Variants in CCDC149 observed in about 807,000 individuals in gnomAD.
CCDC149 encodes the protein coiled-coil domain-containing protein 149.
CCDC149 carries 45 observed loss-of-function variants against 59.9 expected under a neutral mutation model. The ratio of observed to expected loss-of-function variants is 0.75; its 90% confidence interval spans 0.59 to 0.96. The LOEUF is 0.96. CCDC149 is among the 40% of genes least tolerant of loss of function. The pLI, the probability that CCDC149 is intolerant of heterozygous loss-of-function variation, is 0.00. For synonymous variants in CCDC149, 245 were observed against 260.6 expected (o/e 0.94, Z 0.58); for missense variants, 584 against 664.7 (o/e 0.88, Z 1.33).
intron 1 of CCDC149, among the ~76,000 whole-genome samples, chr4:24,953,446 G>T (rs1723371596): frequency 6.6e-6 from 1 of 152,134 alleles, no homozygotes. Context: ...AAAAACAACT[G>T]CCTGTACTAG....
rs529361878 is a variant in CCDC149, at chr4:24,838,791, C to CA, written c.373-520dup. 2.7e-3 allele frequency among the ~76,000 whole-genome samples: 376 copies of CA among 140,790 alleles called. 5 individuals carry two copies. The highest frequency in any genetic ancestry group is 0.016 in the East Asian group (77 of 4,762). 92.4% of individuals were successfully genotyped at this position (140,790 alleles called of 152,430 possible). On this transcript the variant is annotated intron_variant, in intron 4 of 12. Transcript: ENST00000635206. Reference sequence around the variant, plus strand: ...ATTTAAAGAGTTTAAAAAAAAAAAACAAAAAAAAACCAACTAGAAACAATG... The same window carrying CA: ...ATTTAAAGAGTTTAAAAAAAAAAAACAAAAAAAAAACCAACTAGAAACAATG...
chr4:24,820,096 C>T, intron 11 of CCDC149, 121 bp from the exon 12 acceptor site: 1 of 666,012 alleles, frequency 1.5e-6, no homozygotes. Flanking sequence ...TGAAGGGAAG[C>T]CTGCTACGAC....
intron 1 of CCDC149, among the ~76,000 whole-genome samples, chr4:24,936,312 A>T (rs1022582644): frequency 1.3e-5 from 2 of 151,796 alleles, no homozygotes; most frequent in African/African-American, 2.4e-5. Context: ...ATTGCCACAT[A>T]TTTTTATAAT....
At chr4:24,882,001 A>G (rs1004625859) in intron 1 of CCDC149, among the ~76,000 whole-genome samples, 1 of 152,140 alleles carries the variant, frequency 6.6e-6, no homozygotes, top group Non-Finnish European at 1.5e-5. Context: ...ACCCCCAAAA[A>G]TCAGAATATT....
chr4:24,820,347 A>G (rs1279546921), intron 11 of CCDC149: 3 of 191,498 alleles, frequency 1.6e-5, no homozygotes, highest in African/African-American at 7.1e-5. Context: ...GTCAGTGCTC[A>G]AAAGGGTACC....
intron 2 of CCDC149, among the ~76,000 whole-genome samples, chr4:24,874,810 T>G (rs1343974098): frequency 6.6e-6 from 1 of 152,174 alleles, no homozygotes; most frequent in Non-Finnish European, 1.5e-5. Context: ...AGTAATAGTG[T>G]CCCACTTAAA....
rs1716159845 is a variant in CCDC149 at position 24,831,622 on chromosome 4, TC to T, written c.848del (p.Gly283AspfsTer14). The T allele has an allele frequency of 6.2e-7, 1 of 1,613,916 alleles. No homozygotes were observed. Among genetic ancestry groups the T allele is most frequent in the African/African-American group, 1.3e-5 (1 of 74,910 alleles). On this transcript the variant is annotated frameshift_variant, in exon 9 of 13. Coordinates refer to ENST00000635206, the MANE Select transcript of CCDC149 (RefSeq NM_001330643.2). LOFTEE classifies it high-confidence loss of function. Reference sequence around the variant, plus strand: ...ACTGCGGAGTAGCTGGGAGGCTGCATCCATGATCCTCAGATAGCAGATCCTG... The same window carrying T: ...ACTGCGGAGTAGCTGGGAGGCTGCATCATGATCCTCAGATAGCAGATCCTG...
chr4:24,822,466 A>G, intron 10 of CCDC149, 31 bp downstream of exon 10: 1 of 1,390,212 alleles, frequency 7.2e-7, no homozygotes, highest in Non-Finnish European at 9.6e-7. Flanking sequence ...AAAAAAAAAA[A>G]GGAAAATTGT....
Position 24,819,972 on chromosome 4 carries a change from C to T in CCDC149, c.1079G>A (p.Gly360Asp). Residue 360 changes from glycine (G) to aspartate (D), a missense_variant, in exon 12 of 13, where the codon GGC (glycine) becomes GAC (aspartate). Gly to Asp is a moderately conservative substitution (Grantham distance 94). Coordinates refer to ENST00000635206, the MANE Select transcript of CCDC149 (RefSeq NM_001330643.2). The stretch of plus-strand genomic sequence containing the variant: ...GTCGCTGAACAGTATGGTGTCCTTG[C>T]CCCCTGTTGCAGAAAAGAGGAAAAT... 1 of 1,546,380 alleles carries T rather than the reference C, an allele frequency of 6.5e-7. No homozygotes were observed. Among genetic ancestry groups the T allele is most frequent in the Non-Finnish European group, 8.7e-7 (1 of 1,143,892 alleles).
intron 12 of CCDC149, among the ~76,000 whole-genome samples, chr4:24,810,562 A>G (rs1714535884): frequency 6.6e-6 from 1 of 152,206 alleles, no homozygotes; most frequent in Non-Finnish European, 1.5e-5. Context: ...ATATCCAGGA[A>G]TCTTACTGTG....
rs869276822 is a variant in CCDC149, at chr4:24,874,275, G to GTT, written c.226-558_226-557dup. Among the ~76,000 whole-genome samples the GTT allele has an allele frequency of 2.7e-4, 9 of 33,844 alleles. 1 individual carries two copies. Among genetic ancestry groups the GTT allele is most frequent in the African/African-American group, 6.6e-4 (9 of 13,678 alleles). 22.2% of individuals were successfully genotyped at this position (33,844 alleles called of 152,430 possible). On this transcript the variant is annotated intron_variant, in intron 2 of 12. Transcript: ENST00000635206. ...TTTTTTTTTTGTTTTGTTTTTTTTT[G>GTT]TTTTTTTGCCTTAAAAGGATTCTGG... is the stretch of plus-strand genomic sequence containing the variant.
chr4:24,848,284 T>C (rs1243153780), intron 4 of CCDC149, among the ~76,000 whole-genome samples: 1 of 152,084 alleles, frequency 6.6e-6, no homozygotes, highest in African/African-American at 2.4e-5. Context: ...TACTTAATAA[T>C]GCCTCGGCCA....
chr4:24,868,025 G>A (rs146968315), intron 3 of CCDC149, among the ~76,000 whole-genome samples: 4 of 152,284 alleles, frequency 2.6e-5, no homozygotes, highest in East Asian at 1.9e-4. Context: ...AGTGCCTTCC[G>A]CTTATACAAG....
chr4:24,881,815 C>T (rs746634285), intron 1 of CCDC149, among the ~76,000 whole-genome samples: 5 of 152,164 alleles, frequency 3.3e-5, no homozygotes, highest in Non-Finnish European at 5.9e-5. Flanking sequence ...ATCCTCAGGA[C>T]AATGCAATGA....
At chr4:24,833,955 G>T (rs1716333198) in intron 8 of CCDC149, among the ~76,000 whole-genome samples, 1 of 152,182 alleles carries the variant, frequency 6.6e-6, no homozygotes, top group African/African-American at 2.4e-5. Context: ...GTTTGAGTGT[G>T]GCTGGCATTC....
At chr4:24,887,509 C>G (rs1720256228) in intron 1 of CCDC149, among the ~76,000 whole-genome samples, 1 of 152,066 alleles carries the variant, frequency 6.6e-6, no homozygotes, top group Non-Finnish European at 1.5e-5. Context: ...GTAGAGGTAC[C>G]TCCTCCCCTG....
chr4:24,845,087 C>T (rs1264811242), intron 4 of CCDC149, among the ~76,000 whole-genome samples: 1 of 152,220 alleles, frequency 6.6e-6, no homozygotes, highest in African/African-American at 2.4e-5. Flanking sequence ...CCTCTCTTCA[C>T]AACCGTGGCA....
intron 1 of CCDC149, among the ~76,000 whole-genome samples, chr4:24,883,116 C>T (rs1719947201): frequency 6.6e-6 from 1 of 152,078 alleles, no homozygotes; most frequent in African/African-American, 2.4e-5. Flanking sequence ...TTGCAAAGAA[C>T]AAGGCTCCTG....
chr4:24,928,602 T>C (rs1448855171), intron 1 of CCDC149, among the ~76,000 whole-genome samples: 4 of 152,234 alleles, frequency 2.6e-5, no homozygotes, highest in Admixed American at 6.5e-5. Flanking sequence ...TTGTTCTTGC[T>C]TTCTTTGCTC....
Sources: allele counts gnomAD v4.1 joint callset (sites outside exome capture counted in the v4.1 genomes callset), GRCh38; gene constraint gnomAD v4.1.1; transcripts MANE v1.5; gene names NCBI Gene and HGNC (gene_info 2026-07-23, HGNC 2026-07-21).